The following NLGN1 variants were observed in gnomAD, a reference collection of about 807,000 sequenced individuals.
NLGN1 encodes the protein neuroligin 1.
NLGN1 carries 12 observed loss-of-function variants against 65.5 expected under a neutral mutation model. The observed-to-expected ratio is 0.18, with a 90% CI of 0.12 to 0.30. The LOEUF (loss-of-function observed/expected upper bound fraction) is 0.30, where lower values mean the gene tolerates loss of function less well. Ranked by LOEUF, NLGN1 falls within the 10% of genes least tolerant of loss-of-function variation. The pLI is 1.00. For synonymous variants in NLGN1, 350 were observed against 359.5 expected, an observed-to-expected ratio of 0.97 and a Z score of 0.30; for missense variants, 750 against 1,007.1, an observed-to-expected ratio of 0.74 and a Z score of 3.46.
At chr3:173,640,669 A>T (rs1024021972) in intron 3 of NLGN1, among the ~76,000 whole-genome samples, 1 of 152,176 alleles carries the variant, frequency 6.6e-6, no homozygotes, top group Non-Finnish European at 1.5e-5. Flanking sequence ...TTTTCCATCC[A>T]GGAGTTAATC....
chr3:174,168,091 G>T (rs889196700), intron 4 of NLGN1, among the ~76,000 whole-genome samples: 1 of 151,888 alleles, frequency 6.6e-6, no homozygotes, highest in African/African-American at 2.4e-5. Flanking sequence ...TTCTTTTTAA[G>T]ATGTTTATCT....
intron 2 of NLGN1, among the ~76,000 whole-genome samples, chr3:173,601,103 T>C (rs1461686533): frequency 1.3e-5 from 2 of 152,048 alleles, no homozygotes; most frequent in African/African-American, 2.4e-5. Flanking sequence ...TATGAGCTAG[T>C]ATCCCCATTG....
chr3:173,769,466 G>A (rs944938875), intron 3 of NLGN1, among the ~76,000 whole-genome samples: 6 of 152,128 alleles, frequency 3.9e-5, no homozygotes, highest in African/African-American at 1.4e-4. Flanking sequence ...TCTCATAGCC[G>A]ATTTACCTCA....
intron 2 of NLGN1, among the ~76,000 whole-genome samples, chr3:173,525,563 A>T (rs2149158598): frequency 1.3e-5 from 2 of 151,764 alleles, no homozygotes; most frequent in Middle Eastern, 6.8e-3. Context: ...TGTTTCATTG[A>T]TCTTTTATAT....
chr3:174,270,832 C>A (rs1041312219), intron 4 of NLGN1, among the ~76,000 whole-genome samples: 67 of 151,868 alleles, frequency 4.4e-4, no homozygotes, highest in African/African-American at 1.5e-3. Flanking sequence ...TGGATTTTTA[C>A]CTGGAAGAAT....
At chr3:174,267,970 GATAAAA>G (rs1748601207) in intron 4 of NLGN1, among the ~76,000 whole-genome samples, 1 of 152,052 alleles carries the variant, frequency 6.6e-6, no homozygotes, top group African/African-American at 2.4e-5. Flanking sequence ...ACTTAAGAGA[GATAAAA>G]ATAAATATTG....
At chr3:173,933,678 A>T (rs539155986) in intron 4 of NLGN1, among the ~76,000 whole-genome samples, 2 of 152,140 alleles carry the variant, frequency 1.3e-5, no homozygotes, top group Non-Finnish European at 2.9e-5. Context: ...TGATGAAATG[A>T]TAATGACTAT....
At chr3:174,027,074 A>G (rs1402349663) in intron 4 of NLGN1, among the ~76,000 whole-genome samples, 1 of 151,920 alleles carries the variant, frequency 6.6e-6, no homozygotes, top group Non-Finnish European at 1.5e-5. Flanking sequence ...TTTAAAAAAA[A>G]AAAAAGAAAA....
rs145347274 is a variant in NLGN1, at chr3:173,505,651, A to G, written c.-321+70573A>G. Among the ~76,000 whole-genome samples, 1,265 of 152,064 alleles carry G rather than the reference A, an allele frequency of 8.3e-3. 8 individuals carry two copies. Among genetic ancestry groups the G allele is most frequent in the African/African-American group, 0.027 (1,136 of 41,492 alleles). The stretch of plus-strand genomic sequence containing the variant: ...TCCGTTGTACCTTACCTCATCTCCC[A>G]TTACCTAAACTATTCTTCAAAGCTT... On this transcript the variant is annotated intron_variant, in intron 2 of 6. Coordinates refer to ENST00000457714, the Ensembl canonical transcript of NLGN1.
At chr3:173,479,180 A>G (rs1198505988) in intron 2 of NLGN1, among the ~76,000 whole-genome samples, 1 of 152,164 alleles carries the variant, frequency 6.6e-6, no homozygotes, top group African/African-American at 2.4e-5. Flanking sequence ...AGACATAAAA[A>G]TAAGGGCTAT....
chr3:174,184,848 A>C (rs1391230753), intron 4 of NLGN1, among the ~76,000 whole-genome samples: 1 of 152,154 alleles, frequency 6.6e-6, no homozygotes, highest in Non-Finnish European at 1.5e-5. Flanking sequence ...ACATGGTCTC[A>C]TGAGTTGGGG....
chr3:173,718,319 G>T (rs1049680396), intron 3 of NLGN1, among the ~76,000 whole-genome samples: 1 of 151,878 alleles, frequency 6.6e-6, no homozygotes, highest in Non-Finnish European at 1.5e-5. Context: ...CTACCCTTCT[G>T]GTAACCATCA....
chr3:173,910,619 A>G (rs947668583), intron 4 of NLGN1: 2 of 152,210 alleles, frequency 1.3e-5, no homozygotes, highest in East Asian at 1.9e-4. Flanking sequence ...TTTTTCAACT[A>G]TATTCTACTA....
At chr3:173,851,515 A>T (rs958400875) in intron 4 of NLGN1, among the ~76,000 whole-genome samples, 1 of 152,240 alleles carries the variant, frequency 6.6e-6, no homozygotes, top group Non-Finnish European at 1.5e-5. Context: ...AACAGTTTAA[A>T]GAGTGATCTT....
intron 4 of NLGN1, chr3:174,180,917 AAG>A (rs1491075876): frequency 6.6e-6 from 1 of 150,720 alleles, no homozygotes; most frequent in East Asian, 1.9e-4. Flanking sequence ...GGGGAAAAAA[AAG>A]AGGTATTTAA....
chr3:174,157,314 CTT>C (rs1283504230), intron 4 of NLGN1, among the ~76,000 whole-genome samples: 1 of 151,518 alleles, frequency 6.6e-6, no homozygotes, highest in Non-Finnish European at 1.5e-5. Flanking sequence ...TTTTCCCCCT[CTT>C]TCTCATCATT....
chr3:173,857,722 A>G (rs910809109), intron 4 of NLGN1, among the ~76,000 whole-genome samples: 13 of 150,590 alleles, frequency 8.6e-5, no homozygotes, highest in Admixed American at 2.0e-4. Flanking sequence ...TTATTTTACT[A>G]TCCAAGAGCT....
chr3:173,891,365 G>T (rs1735298741), intron 4 of NLGN1, among the ~76,000 whole-genome samples: 1 of 152,114 alleles, frequency 6.6e-6, no homozygotes, highest in African/African-American at 2.4e-5. Flanking sequence ...TATTTTGTAA[G>T]ACTTTCAAGC....
intron 2 of NLGN1, among the ~76,000 whole-genome samples, chr3:173,579,879 C>A (rs1746112277): frequency 6.6e-6 from 1 of 151,678 alleles, no homozygotes; most frequent in Non-Finnish European, 1.5e-5. Context: ...TTTTTTTTCT[C>A]CAGACTTGCT....
Sources: allele counts gnomAD v4.1 joint callset (sites outside exome capture counted in the v4.1 genomes callset), GRCh38; gene constraint gnomAD v4.1.1; transcripts MANE v1.5; gene names NCBI Gene and HGNC (gene_info 2026-07-23, HGNC 2026-07-21).